Variants in SHCBP1 observed in about 807,000 individuals in gnomAD.
The protein encoded by SHCBP1 is SHC SH2 domain-binding protein 1.
A neutral mutation model predicts 75.1 loss-of-function variants in SHCBP1; 60 were observed. That is an observed-to-expected ratio of 0.80 (90% confidence interval 0.65 to 0.99). SHCBP1 has a LOEUF of 0.99. Among genes scored for constraint, SHCBP1 ranks in the 50% least tolerant of loss-of-function variants. The pLI is 0.00. For missense variants in SHCBP1, 709 were observed against 809.4 expected (o/e 0.88, Z 1.50); for synonymous variants, 290 against 293.2 (o/e 0.99, Z 0.11).
In SHCBP1 at chr16:46,592,951, C is replaced by CAAAAAAAAAAAAAAAAAAAAAAAAAAA; in HGVS notation, c.1464+2600_1464+2601insTTTTTTTTTTTTTTTTTTTTTTTTTTT. 7.5e-4 allele frequency among the ~76,000 whole-genome samples: 17 copies of CAAAAAAAAAAAAAAAAAAAAAAAAAAA among 22,794 alleles called. 5 individuals are homozygous for CAAAAAAAAAAAAAAAAAAAAAAAAAAA. The highest frequency in any genetic ancestry group is 1.1e-3 in the Non-Finnish European group (13 of 12,160). The allele number at this position is 22,794 out of a possible 152,430, so 15.0% of individuals were successfully genotyped here. ...AACATCCACTTATGATAAAAATTCT[C>CAAAAAAAAAAAAAAAAAAAAAAAAAAA]AAAAAAAAAAAAAAAAAAAAAAAAA... On this transcript the variant is annotated intron_variant, in intron 10 of 12. Transcript: ENST00000303383.
chr16:46,580,443 T>C lies in SHCBP1; in HGVS notation c.*1286A>G, dbSNP rs542125888. Reference sequence around the variant, plus strand: ...CTTAATGGGAAAAAATGTAATACTCTTTCTAAAGCATGAAAACAGATACCA... The same window carrying C: ...CTTAATGGGAAAAAATGTAATACTCCTTCTAAAGCATGAAAACAGATACCA... On this transcript the variant is annotated 3_prime_UTR_variant, in exon 13 of 13. Transcript: ENST00000303383. 2.0e-4 allele frequency: 31 copies of C among 152,296 alleles called. No homozygotes were observed. The highest frequency in any genetic ancestry group is 2.0e-3 in the Admixed American group (31 of 15,300). 9.4% of individuals were successfully genotyped at this position (152,296 alleles called of 1,614,324 possible). A position where few individuals can be genotyped will look rare whatever the true frequency, so the allele number is the denominator to read the frequency against.
chr16:46,583,624 T>G lies in SHCBP1; in HGVS notation c.1585A>C (p.Ile529Leu), dbSNP rs1184110531. Residue 529 changes from isoleucine (I) to leucine (L), a missense_variant, in exon 12 of 13, where the codon ATA (isoleucine) becomes CTA (leucine). Transcript: ENST00000303383. ...FLDEHYDIPKISMVNNIIHNN... is the reference protein window; with the variant it reads ...FLDEHYDIPKLSMVNNIIHNN... ...TGTATTATATTATTCACCATGGATA[T>G]CTTGGGAATGTCATAATGTTCATCT... The G allele has an allele frequency of 6.2e-7, 1 of 1,607,228 alleles. No homozygotes were observed. The highest frequency in any genetic ancestry group is 2.2e-5 in the East Asian group (1 of 44,824).
At chr16:46,608,991 G>A (rs1250305238) in intron 4 of SHCBP1, among the ~76,000 whole-genome samples, 3 of 152,166 alleles carry the variant, frequency 2.0e-5, no homozygotes, top group African/African-American at 7.2e-5. Flanking sequence ...CACTGAGAGA[G>A]AAACAGGTTT....
At position 46,587,038 on chromosome 16, in the gene SHCBP1, A is replaced by G. The variant is rs545549510; in HGVS notation, c.1465-2949T>C. ...AAAAGAACACAGTAAGCAAAGATAT[A>G]GGTAAATACAATAAGCTTTCCTTCT... On this transcript the variant is annotated intron_variant, in intron 10 of 12. Coordinates refer to ENST00000303383, the MANE Select transcript of SHCBP1 (RefSeq NM_024745.5). Among the ~76,000 whole-genome samples, 380 of 152,312 alleles carry G rather than the reference A, an allele frequency of 2.5e-3. 14 individuals carry two copies. The South Asian group carries it at 0.049, about 19-fold the overall frequency.
chr16:46,604,791 T>C (rs1425748265), intron 5 of SHCBP1, among the ~76,000 whole-genome samples: 2 of 152,196 alleles, frequency 1.3e-5, no homozygotes, highest in Non-Finnish European at 1.5e-5. Context: ...TTTCTTCTCA[T>C]ATATTAGATT....
At position 46,616,104 on chromosome 16, in the gene SHCBP1, TTCAGCAAGCC is replaced by T. The variant is rs1379901194; in HGVS notation, c.428_437del (p.Arg143AsnfsTer9). 6.8e-6 allele frequency: 11 copies of T among 1,614,060 alleles called. No homozygotes were observed. The Admixed American group carries it at 1.3e-4, about 20-fold the overall frequency. ...TCACTTGAGAGTCACAGAGGTATGG[TTCAGCAAGCC>T]TCACCACTGCCTTCAAGGCTGCAAA... On this transcript the variant is annotated frameshift_variant, in exon 4 of 13. Transcript: ENST00000303383. LOFTEE classifies it high-confidence loss of function. This position sits in a 1 kb window ranked among gnomAD's most constrained non-coding sequence, Gnocchi z 4.4.
At chr16:46,619,147 T>C (rs1420717466) in intron 1 of SHCBP1, among the ~76,000 whole-genome samples, 1 of 152,172 alleles carries the variant, frequency 6.6e-6, no homozygotes, top group Admixed American at 6.5e-5. Context: ...AAAATGCAAA[T>C]CACATTAGGT....
chr16:46,583,397 T>C (rs992881271), intron 12 of SHCBP1, 119 bp downstream of exon 12: 6 of 1,044,692 alleles, frequency 5.7e-6, no homozygotes, highest in East Asian at 2.6e-5. Flanking sequence ...TCTCTCTCCA[T>C]GCCCAAGCAT....
intron 4 of SHCBP1, among the ~76,000 whole-genome samples, chr16:46,614,655 C>T (rs1366769906): frequency 6.6e-6 from 1 of 152,046 alleles, no homozygotes; most frequent in Non-Finnish European, 1.5e-5. Flanking sequence ...CCTAAGAAAA[C>T]ACTTGCTTTG....
At chr16:46,582,366 C>T (rs1295567167) in intron 12 of SHCBP1, among the ~76,000 whole-genome samples, 1 of 152,218 alleles carries the variant, frequency 6.6e-6, no homozygotes, top group African/African-American at 2.4e-5. Flanking sequence ...TCTAGATAGG[C>T]CCCATGATCC....
intron 5 of SHCBP1, among the ~76,000 whole-genome samples, chr16:46,605,179 T>C (rs182484240): frequency 6.6e-6 from 1 of 152,374 alleles, no homozygotes; most frequent in East Asian, 1.9e-4. Flanking sequence ...TTCAAATGTA[T>C]TAATTTATAA....
At chr16:46,601,176 G>A (rs569052125) in intron 8 of SHCBP1, among the ~76,000 whole-genome samples, 9 of 152,192 alleles carry the variant, frequency 5.9e-5, no homozygotes, top group Non-Finnish European at 1.3e-4. Flanking sequence ...AGGCATGGTG[G>A]CAGGCACCAG....
At position 46,578,687 on chromosome 16, in the gene SHCBP1, T is replaced by C. The variant is rs1380143652; in HGVS notation, c.*3042A>G. On this transcript the variant is annotated 3_prime_UTR_variant, in exon 13 of 13. Coordinates refer to ENST00000303383, the MANE Select transcript of SHCBP1 (RefSeq NM_024745.5). ...TATAAGACTTTAAAACATATACATA[T>C]ATATATTTAATCACAGAATAAAACA... Among the ~76,000 whole-genome samples, 2 of 152,172 alleles carry C rather than the reference T, an allele frequency of 1.3e-5. No individual in the cohort carries two copies. Among genetic ancestry groups the C allele is most frequent in the African/African-American group, 2.4e-5 (1 of 41,452 alleles).
chr16:46,590,915 C>G (rs917785143), intron 10 of SHCBP1, among the ~76,000 whole-genome samples: 1 of 152,122 alleles, frequency 6.6e-6, no homozygotes, highest in African/African-American at 2.4e-5. Context: ...TTGGAACCAA[C>G]AAAAATGTCC....
intron 10 of SHCBP1, among the ~76,000 whole-genome samples, chr16:46,592,598 G>A (rs1225597509): frequency 1.3e-5 from 2 of 152,026 alleles, no homozygotes; most frequent in Non-Finnish European, 2.9e-5. Flanking sequence ...TTCATTTTAT[G>A]AAGCTATTAT....
chr16:46,596,686 G>C (rs1236137911), intron 9 of SHCBP1, among the ~76,000 whole-genome samples: 1 of 151,598 alleles, frequency 6.6e-6, no homozygotes, highest in East Asian at 2.0e-4. Context: ...CCAAAGTGTT[G>C]GGATTACAGG....
intron 4 of SHCBP1, among the ~76,000 whole-genome samples, chr16:46,608,974 C>CA (rs535944487): frequency 1.3e-5 from 2 of 151,984 alleles, no homozygotes; most frequent in South Asian, 2.1e-4. Flanking sequence ...TTTGTTGAGA[C>CA]AAAAAACACT....
intron 5 of SHCBP1, among the ~76,000 whole-genome samples, chr16:46,607,932 A>T (rs1458059767): frequency 6.6e-6 from 1 of 152,234 alleles, no homozygotes; most frequent in Non-Finnish European, 1.5e-5. Context: ...TTTTCAAACA[A>T]TCGAATTTAA....
intron 10 of SHCBP1, 135 bp downstream of exon 10, chr16:46,595,417 T>C (rs1965120373): frequency 2.7e-6 from 2 of 754,118 alleles, no homozygotes; most frequent in Non-Finnish European, 4.7e-6. Context: ...CCTTGCACAG[T>C]TGAGTTTGAC....
Sources: gnomAD v4.1 joint callset for allele counts (sites outside exome capture counted in the v4.1 genomes callset) on GRCh38, gnomAD v4.1.1 for gene constraint, Gnocchi (gnomAD v3.1) non-coding constraint, MANE v1.5 for transcripts, NCBI Gene and HGNC (gene_info 2026-07-23, HGNC 2026-07-21) for gene names.